The following FRAS1 variants were observed in gnomAD, a reference collection of about 807,000 sequenced individuals.
The protein encoded by FRAS1 is extracellular matrix organizing protein FRAS1.
A neutral mutation model predicts 435.2 loss-of-function variants in FRAS1; 290 were observed. The ratio of observed to expected loss-of-function variants is 0.67; its 90% CI spans 0.61 to 0.73. The LOEUF (loss-of-function observed/expected upper bound fraction) is 0.73, where lower values mean the gene tolerates loss of function less well. Ranked by LOEUF, FRAS1 falls within the 30% of genes least tolerant of loss-of-function variation. The pLI, the probability that FRAS1 is intolerant of heterozygous loss-of-function variation, is 0.00. For missense variants in FRAS1, 4,860 were observed against 5,001.5 expected, an observed-to-expected ratio of 0.97 and a Z score of 0.85; for synonymous variants, 1,800 against 1,851.0, an observed-to-expected ratio of 0.97 and a Z score of 0.71.
chr4:78,321,809 T>C (rs1729518341), intron 18 of FRAS1, among the ~76,000 whole-genome samples: 1 of 139,414 alleles, frequency 7.2e-6, no homozygotes, highest in African/African-American at 2.8e-5. Flanking sequence ...ACACCATTGC[T>C]CTCCAGCCTG....
intron 58 of FRAS1, among the ~76,000 whole-genome samples, chr4:78,483,799 A>AT (rs1560753038): frequency 0.029 from 1,954 of 67,338 alleles, 218 homozygotes; most frequent in African/African-American, 0.068. Context: ...TATATATATA[A>AT]AATTATGTAT....
At chr4:78,278,232 T>G (rs1234503901) in intron 9 of FRAS1, among the ~76,000 whole-genome samples, 1 of 152,246 alleles carries the variant, frequency 6.6e-6, no homozygotes, top group East Asian at 1.9e-4. Flanking sequence ...GGGATGCATC[T>G]GATTTTGTAT....
Position 78,262,250 on chromosome 4 carries a change from C to T in FRAS1, c.604-2775C>T, listed in dbSNP as rs193005266. The stretch of plus-strand genomic sequence containing the variant: ...TCTCTCTGACTGTGATTCTTTACAC[C>T]GGGGCACTCTCCTTCCTCACTGCTT... On this transcript the variant is annotated intron_variant, in intron 6 of 73. Transcript: ENST00000512123. 7.2e-5 allele frequency among the ~76,000 whole-genome samples: 11 copies of T among 152,262 alleles called. No homozygotes were observed. The East Asian group carries it at 9.6e-4, about 13-fold the overall frequency.
Position 78,365,879 on chromosome 4 carries a change from C to T in FRAS1, c.2722+1825C>T, listed in dbSNP as rs143069798. On this transcript the variant is annotated intron_variant, in intron 22 of 73. Transcript: ENST00000512123. ...CTCGGGGGTGCTGAGGCAGGTGAATCGCTTGAACCTGGGAGGCGGAGGCTG... is the reference window on the plus strand; with the variant it reads ...CTCGGGGGTGCTGAGGCAGGTGAATTGCTTGAACCTGGGAGGCGGAGGCTG... 4.3e-3 allele frequency among the ~76,000 whole-genome samples: 644 copies of T among 151,260 alleles called. 1 individual carries two copies. The highest frequency in any genetic ancestry group is 0.021 in the Middle Eastern group (6 of 290).
At chr4:78,425,376 G>T (rs1451165791) in intron 35 of FRAS1, among the ~76,000 whole-genome samples, 1 of 152,060 alleles carries the variant, frequency 6.6e-6, no homozygotes, top group African/African-American at 2.4e-5. Context: ...GTCAGACCTG[G>T]TATCTATGCT....
chr4:78,098,619 T>A (rs1265956083), intron 2 of FRAS1, among the ~76,000 whole-genome samples: 1 of 152,142 alleles, frequency 6.6e-6, no homozygotes, highest in Non-Finnish European at 1.5e-5. Context: ...CACCAAGGTG[T>A]TGCCTGTTCC....
chr4:78,384,838 G>T (rs1344481327), intron 28 of FRAS1, among the ~76,000 whole-genome samples: 1 of 149,350 alleles, frequency 6.7e-6, no homozygotes, highest in African/African-American at 2.5e-5. Context: ...GCTCAGGGAG[G>T]TTGAGGCTGC....
intron 2 of FRAS1, among the ~76,000 whole-genome samples, chr4:78,192,004 G>A (rs1445157495): frequency 6.6e-6 from 1 of 152,072 alleles, no homozygotes; most frequent in Non-Finnish European, 1.5e-5. Flanking sequence ...ATAAACATAC[G>A]TGTGCATGTG....
chr4:78,328,750 A>G (rs1052986460), intron 18 of FRAS1, among the ~76,000 whole-genome samples: 8 of 152,234 alleles, frequency 5.3e-5, no homozygotes. Context: ...ATTTTAAAAA[A>G]TGACTCATAC....
intron 47 of FRAS1, among the ~76,000 whole-genome samples, chr4:78,462,160 A>G (rs981455933): frequency 1.3e-5 from 2 of 152,228 alleles, no homozygotes; most frequent in Non-Finnish European, 2.9e-5. Context: ...ACCTGAGGTC[A>G]GGAGTTAGAG....
chr4:78,159,050 A>T (rs1721014379), intron 2 of FRAS1, among the ~76,000 whole-genome samples: 1 of 152,198 alleles, frequency 6.6e-6, no homozygotes, highest in Non-Finnish European at 1.5e-5. Context: ...CATGGCATTC[A>T]GGCAGCAGTG....
intron 2 of FRAS1, among the ~76,000 whole-genome samples, chr4:78,068,357 T>A (rs1229354272): frequency 2.6e-5 from 4 of 151,682 alleles, no homozygotes; most frequent in Non-Finnish European, 4.4e-5. Flanking sequence ...CTGAAAGAGG[T>A]AATTATAAGG....
At chr4:78,403,639 G>A (rs1383951059) in intron 30 of FRAS1, among the ~76,000 whole-genome samples, 1 of 152,192 alleles carries the variant, frequency 6.6e-6, no homozygotes, top group Non-Finnish European at 1.5e-5. Context: ...TAAATTGCTT[G>A]TATAGTATGT....
At chr4:78,119,795 G>A (rs1718907028) in intron 2 of FRAS1, among the ~76,000 whole-genome samples, 1 of 152,176 alleles carries the variant, frequency 6.6e-6, no homozygotes, top group Non-Finnish European at 1.5e-5. Flanking sequence ...TGTCCCAGGT[G>A]ATTCTGATAC....
chr4:78,288,673 T>C (rs1254727276), intron 14 of FRAS1, among the ~76,000 whole-genome samples: 1 of 150,568 alleles, frequency 6.6e-6, no homozygotes, highest in Non-Finnish European at 1.5e-5. Context: ...TTTTTATGCA[T>C]AAAATAAGGA....
intron 59 of FRAS1, among the ~76,000 whole-genome samples, chr4:78,495,607 A>C (rs1190987373): frequency 6.6e-6 from 1 of 152,156 alleles, no homozygotes; most frequent in African/African-American, 2.4e-5. Flanking sequence ...TTGAGTCTAC[A>C]TGTCTGTATT....
At chr4:78,311,048 ACCT>A (rs1280256448) in intron 15 of FRAS1, among the ~76,000 whole-genome samples, 1 of 151,982 alleles carries the variant, frequency 6.6e-6, no homozygotes, top group Non-Finnish European at 1.5e-5. Context: ...AAAGGAGGAA[ACCT>A]CCTCATTCTT....
chr4:78,112,387 G>C (rs1402964726), intron 2 of FRAS1, among the ~76,000 whole-genome samples: 1 of 152,052 alleles, frequency 6.6e-6, no homozygotes, highest in Non-Finnish European at 1.5e-5. Flanking sequence ...GGAGATTCAT[G>C]AGTCTGTGAT....
At chr4:78,519,588 T>C (rs1390268936) in intron 67 of FRAS1, 107 bp downstream of exon 67, 4 of 1,333,634 alleles carry the variant, frequency 3.0e-6, no homozygotes, top group African/African-American at 1.5e-5. Flanking sequence ...CATCCTGTTA[T>C]CCCGAAGACA....
Sources: allele counts gnomAD v4.1 joint callset (sites outside exome capture counted in the v4.1 genomes callset), GRCh38; gene constraint gnomAD v4.1.1; transcripts MANE v1.5; gene names NCBI Gene and HGNC (gene_info 2026-07-23, HGNC 2026-07-21).